The following OR9Q1 variants were observed in gnomAD, a reference collection of about 807,000 sequenced individuals.
OR9Q1 encodes the protein olfactory receptor family 9 subfamily Q member 1.
For missense variants in OR9Q1, 374 were observed against 378.8 expected (o/e 0.99, Z 0.11); for synonymous variants, 153 against 148.6 (o/e 1.03, Z -0.22).
At chr11:58,038,844 A>T (rs542935836) in intron 1 of OR9Q1, among the ~76,000 whole-genome samples, 3 of 151,810 alleles carry the variant, frequency 2.0e-5, no homozygotes, top group Non-Finnish European at 4.4e-5. Flanking sequence ...TAGTCTTTTT[A>T]GTTAGTCTCT....
intron 2 of OR9Q1, among the ~76,000 whole-genome samples, chr11:58,177,639 C>T (rs1246196009): frequency 2.0e-5 from 3 of 151,980 alleles, no homozygotes; most frequent in Admixed American, 1.3e-4. Context: ...AAGTATAAAC[C>T]CAAGAATGGC....
chr11:58,142,436 G>C (rs1263835703), intron 2 of OR9Q1, among the ~76,000 whole-genome samples: 1 of 152,038 alleles, frequency 6.6e-6, no homozygotes, highest in Non-Finnish European at 1.5e-5. Flanking sequence ...TCATTGTTCT[G>C]GGAGAAGATC....
At chr11:58,147,200 G>A (rs11822108) in intron 2 of OR9Q1, among the ~76,000 whole-genome samples, 26,336 of 152,058 alleles carry the variant, frequency 0.17, 2,422 homozygotes, top group Non-Finnish European at 0.21. Context: ...ACTGATTCTT[G>A]GCAAAGTGGC....
intron 2 of OR9Q1, among the ~76,000 whole-genome samples, chr11:58,101,945 C>T (rs888833699): frequency 1.3e-5 from 2 of 152,062 alleles, no homozygotes; most frequent in Non-Finnish European, 2.9e-5. Context: ...GGGGTTTCTT[C>T]ATGTTGGTGA....
chr11:58,029,341 C>CTA (rs1853006247), intron 1 of OR9Q1, among the ~76,000 whole-genome samples: 1 of 152,166 alleles, frequency 6.6e-6, no homozygotes, highest in South Asian at 2.1e-4. Flanking sequence ...CTTCCTCACA[C>CTA]TACTGTCACT....
intron 2 of OR9Q1, chr11:58,073,157 T>A (rs1853504178): frequency 4.6e-6 from 1 of 219,442 alleles, no homozygotes; most frequent in Non-Finnish European, 1.0e-5. Flanking sequence ...CATTTTCTCT[T>A]TTCCATAATT....
At chr11:58,118,801 A>G (rs1853988619) in intron 2 of OR9Q1, 1 of 1,614,140 alleles carries the variant, frequency 6.2e-7, no homozygotes, top group Non-Finnish European at 8.5e-7. Context: ...ATAGGAAATC[A>G]GGATGACGGA....
At chr11:58,119,158 T>A (rs1479152757) in intron 2 of OR9Q1, 1 of 1,613,996 alleles carries the variant, frequency 6.2e-7, no homozygotes, top group Non-Finnish European at 8.5e-7. Flanking sequence ...GGCAGCACAG[T>A]GGCCGTAGGA....
chr11:58,083,099 C>A (rs927701944), intron 2 of OR9Q1, among the ~76,000 whole-genome samples: 1 of 151,992 alleles, frequency 6.6e-6, no homozygotes, highest in African/African-American at 2.4e-5. Flanking sequence ...ATGCCTATGT[C>A]CTGAATGGTA....
intron 1 of OR9Q1, among the ~76,000 whole-genome samples, chr11:58,027,689 T>TA (rs945773243): frequency 2.8e-4 from 43 of 152,184 alleles, no homozygotes; most frequent in East Asian, 3.9e-4. Flanking sequence ...TCCTGCTTCT[T>TA]AAAAAAATCT....
chr11:58,176,941 AAG>A (rs1483969257), intron 2 of OR9Q1, among the ~76,000 whole-genome samples: 1 of 152,188 alleles, frequency 6.6e-6, no homozygotes, highest in African/African-American at 2.4e-5. Flanking sequence ...ATAGTGGACA[AAG>A]AGAGAAGAGG....
At chr11:58,029,986 T>C (rs1036575203) in intron 1 of OR9Q1, among the ~76,000 whole-genome samples, 2 of 151,978 alleles carry the variant, frequency 1.3e-5, no homozygotes, top group African/African-American at 2.4e-5. Context: ...GGATTACAGG[T>C]GCCCACCACC....
At chr11:58,168,184 A>G (rs1238249691) in intron 2 of OR9Q1, among the ~76,000 whole-genome samples, 1 of 152,194 alleles carries the variant, frequency 6.6e-6, no homozygotes, top group African/African-American at 2.4e-5. Context: ...GTGTGATTTC[A>G]AAAATAACTC....
At chr11:58,171,284 C>A (rs183159590) in intron 2 of OR9Q1, 85 of 152,344 alleles carry the variant, frequency 5.6e-4, no homozygotes, top group African/African-American at 1.9e-3. Flanking sequence ...CCTGCTCACT[C>A]TCCTTTTGTG....
chr11:58,025,497 C>T (rs1346937277), intron 1 of OR9Q1, among the ~76,000 whole-genome samples: 1 of 152,250 alleles, frequency 6.6e-6, no homozygotes, highest in African/African-American at 2.4e-5. Context: ...CTGCGCCCGG[C>T]CTCCTTTCTC....
At chr11:58,123,790 G>A (rs1398820475) in intron 2 of OR9Q1, among the ~76,000 whole-genome samples, 1 of 152,120 alleles carries the variant, frequency 6.6e-6, no homozygotes, top group Non-Finnish European at 1.5e-5. Context: ...TAAAATCAAA[G>A]CGCCTCTCTA....
chr11:58,173,235 A>T (rs1854571862), intron 2 of OR9Q1, among the ~76,000 whole-genome samples: 1 of 151,164 alleles, frequency 6.6e-6, no homozygotes, highest in African/African-American at 2.4e-5. Flanking sequence ...TACTGCACCC[A>T]TTAACTCGTC....
chr11:58,034,157 C>T (rs1331115850), intron 1 of OR9Q1, among the ~76,000 whole-genome samples: 2 of 144,818 alleles, frequency 1.4e-5, no homozygotes, highest in Admixed American at 7.1e-5. Flanking sequence ...GTGATCTCGG[C>T]TCACTGCAAG....
In OR9Q1 at chr11:58,179,764, T is replaced by C. The variant is rs369493933; in HGVS notation, c.320T>C (p.Phe107Ser). Residue 107 changes from phenylalanine (F) to serine (S), a missense_variant, in exon 3 of 3, where the codon TTT (phenylalanine) becomes TCT (serine). Physicochemically the swap from Phe to Ser is radical, Grantham distance 155. Coordinates refer to ENST00000335397, the MANE Select transcript of OR9Q1 (RefSeq NM_001005212.4). Reference protein sequence around the residue: ...CAAQFFLFTFFGSIDCYLLAL... With the variant: ...CAAQFFLFTFSGSIDCYLLAL... The stretch of plus-strand genomic sequence containing the variant: ...GCTCAGTTCTTTCTGTTCACCTTCT[T>C]TGGTTCCATCGACTGCTACCTCTTG... 1 of 1,614,218 alleles carries C rather than the reference T, an allele frequency of 6.2e-7. No individual in the cohort carries two copies. Among genetic ancestry groups the C allele is most frequent in the Non-Finnish European group, 8.5e-7 (1 of 1,180,028 alleles).
Sources: gnomAD v4.1 joint callset for allele counts (sites outside exome capture counted in the v4.1 genomes callset) on GRCh38, gnomAD v4.1.1 for gene constraint, MANE v1.5 for transcripts, NCBI Gene and HGNC (gene_info 2026-07-23, HGNC 2026-07-21) for gene names.